Variants in CR1 observed in about 807,000 individuals in gnomAD.
CR1 encodes the protein complement receptor type 1.
A neutral mutation model predicts 187.3 loss-of-function variants in CR1; 116 were observed. The ratio of observed to expected loss-of-function variants is 0.62; its 90% CI spans 0.53 to 0.72. The LOEUF (loss-of-function observed/expected upper bound fraction) is 0.72. Among genes scored for constraint, CR1 ranks in the 30% least tolerant of loss-of-function variants. The pLI is 0.00. For missense variants in CR1, 1,731 were observed against 2,110.7 expected (o/e 0.82, Z 3.52); for synonymous variants, 576 against 747.1 (o/e 0.77, Z 3.73).
In CR1 at chr1:207,609,502, TCTA is replaced by T; in HGVS notation, c.6113_6115del (p.Thr2038del). 6.2e-7 allele frequency: 1 copy of T among 1,613,960 alleles called. No individual in the cohort carries two copies. The highest frequency in any genetic ancestry group is 8.5e-7 in the Non-Finnish European group (1 of 1,179,868). ...GAGCAGCCCTCCCCCTCGGTGTATT[TCTA>T]CTAATAAATGCACAGCTCCAGAAGT... On this transcript the variant is annotated inframe_deletion, in exon 37 of 47. Coordinates refer to ENST00000367049, the MANE Select transcript of CR1 (RefSeq NM_000651.6).
At chr1:207,635,092 G>C (rs56237243) in intron 46 of CR1, among the ~76,000 whole-genome samples, 1 of 152,118 alleles carries the variant, frequency 6.6e-6, no homozygotes, top group African/African-American at 2.4e-5. Context: ...TCTAATGACC[G>C]TGTAATTTAT....
intron 43 of CR1, 90 bp downstream of exon 43, chr1:207,620,155 T>C: frequency 7.7e-7 from 1 of 1,303,446 alleles, no homozygotes; most frequent in Non-Finnish European, 1.1e-6. Context: ...TAGTGTGATG[T>C]TTATGGCATA....
In CR1 at chr1:207,578,001, C is replaced by A. The variant is rs148751002; in HGVS notation, c.4734C>A (p.Pro1578=). ...ATCAAGTGGGCATCTGGAGCGGCCC[C>A]GCCCCTCAGTGCATTATACCTAACA... ...NDDQVGIWSG[P]APQCIIPNKC... The change falls in exon 29 of 47, where the codon CCC becomes CCA. Residue 1578 remains proline, a synonymous_variant. Coordinates refer to ENST00000367049, the MANE Select transcript of CR1 (RefSeq NM_000651.6). 1.2e-6 allele frequency: 2 copies of A among 1,611,510 alleles called. No individual in the cohort carries two copies. The highest frequency in any genetic ancestry group is 1.1e-5 in the South Asian group (1 of 90,994).
At chr1:207,611,452 T>A (rs994307486) in intron 37 of CR1, among the ~76,000 whole-genome samples, 1 of 152,134 alleles carries the variant, frequency 6.6e-6, no homozygotes, top group African/African-American at 2.4e-5. Context: ...CATGTTTCAG[T>A]AGAAAAAACA....
At chr1:207,516,305 G>A (rs141758460) in intron 4 of CR1, among the ~76,000 whole-genome samples, 211 of 152,262 alleles carry the variant, frequency 1.4e-3, no homozygotes, top group African/African-American at 4.9e-3. Context: ...CATAAGTCAG[G>A]TGACCTTATG....
In CR1 at chr1:207,587,572, A is replaced by C; in HGVS notation, c.5710+7A>C. ...GTTGAAGACAACTGTAGACGTGAGT[A>C]ACCCCTCCCTGGGAACTACTTCATG... On this transcript the variant is annotated splice_region_variant and intron_variant, in intron 34 of 46. Transcript: ENST00000367049. 6.2e-7 allele frequency: 1 copy of C among 1,611,744 alleles called. No individual in the cohort carries two copies. The highest frequency in any genetic ancestry group is 8.5e-7 in the Non-Finnish European group (1 of 1,178,532).
At chr1:207,566,059 G>C in intron 24 of CR1, 136 bp downstream of exon 24, 1 of 1,242,162 alleles carries the variant, frequency 8.1e-7, no homozygotes, top group South Asian at 1.5e-5. Flanking sequence ...TTTTAATAAT[G>C]TTTGGTTGTG....
At chr1:207,496,738 G>A (rs903360816) in intron 1 of CR1, among the ~76,000 whole-genome samples, 2 of 152,204 alleles carry the variant, frequency 1.3e-5, no homozygotes. Context: ...TGATCCTAGT[G>A]AAAGGGAACT....
intron 31 of CR1, 69 bp downstream of exon 31, chr1:207,580,682 T>A (rs1412689929): frequency 4.3e-6 from 6 of 1,403,514 alleles, no homozygotes; most frequent in Non-Finnish European, 5.9e-6. Context: ...TAAGGATCAA[T>A]CCAAAAAGAG....
At chr1:207,519,829 A>C (rs1381407314) in intron 4 of CR1, among the ~76,000 whole-genome samples, 2 of 152,208 alleles carry the variant, frequency 1.3e-5, no homozygotes, top group Admixed American at 1.3e-4. Context: ...CCGATTGGTT[A>C]TAGCTCAGCG....
At chr1:207,512,568 C>T (rs929038204) in intron 4 of CR1, among the ~76,000 whole-genome samples, 7 of 152,184 alleles carry the variant, frequency 4.6e-5, no homozygotes, top group African/African-American at 1.7e-4. Flanking sequence ...TAACTGGACT[C>T]CTTTACTTTT....
chr1:207,638,828 C>T (rs56386223), intron 46 of CR1, among the ~76,000 whole-genome samples: 9,548 of 152,304 alleles, frequency 0.063, 603 homozygotes, highest in East Asian at 0.35. Context: ...TCCCCTCAGG[C>T]AGTGGGCCAT....
intron 33 of CR1, among the ~76,000 whole-genome samples, chr1:207,587,022 A>C (rs1464950391): frequency 6.6e-6 from 1 of 152,194 alleles, no homozygotes; most frequent in Non-Finnish European, 1.5e-5. Flanking sequence ...AGATGATAAA[A>C]TATGTCTTGC....
Position 207,588,762 on chromosome 1 carries a change from C to A in CR1, c.5798C>A (p.Ser1933Tyr). The A allele has an allele frequency of 1.2e-6, 2 of 1,606,432 alleles. No homozygotes were observed. Among genetic ancestry groups the A allele is most frequent in the African/African-American group, 1.3e-5 (1 of 74,814 alleles). The change falls in exon 35 of 47, where the codon TCT (serine) becomes TAT (tyrosine). Residue 1933 changes from serine to tyrosine, a missense_variant. Physicochemically the swap from Ser to Tyr is moderately radical, Grantham distance 144 (BLOSUM62 -2). Transcript: ENST00000367049. ...DTQFGSTVNYSCNEGFRLIGS... is the reference protein window; with the variant it reads ...DTQFGSTVNYYCNEGFRLIGS... ...CAGTTTGGATCAACAGTTAATTATT[C>A]TTGTAATGAAGGGTGAGTTGAGAAT...
intron 4 of CR1, among the ~76,000 whole-genome samples, chr1:207,513,250 A>T (rs1207504926): frequency 6.6e-6 from 1 of 152,216 alleles, no homozygotes; most frequent in African/African-American, 2.4e-5. Context: ...TCAAATATGC[A>T]TTACAAGAAC....
At chr1:207,590,669 A>C (rs1223861046) in intron 35 of CR1, among the ~76,000 whole-genome samples, 1 of 152,160 alleles carries the variant, frequency 6.6e-6, no homozygotes, top group Non-Finnish European at 1.5e-5. Context: ...TGACTGGCAA[A>C]TTGGATAAAG....
chr1:207,498,303 G>A (rs973337140), intron 1 of CR1, among the ~76,000 whole-genome samples: 4 of 152,184 alleles, frequency 2.6e-5, no homozygotes, highest in Non-Finnish European at 5.9e-5. Context: ...CTATGATCAG[G>A]AAAGGATGAG....
chr1:207,611,732 C>T lies in CR1; in HGVS notation c.6351C>T (p.Asp2117=), dbSNP rs564069068. Residue 2117 remains aspartate (D), a synonymous_variant, in exon 38 of 47, where the codon GAC becomes GAT. Transcript: ENST00000367049. The stretch of plus-strand genomic sequence containing the variant: ...GTGAGCATACCCTAAGCCATCAGGA[C>T]AACTTTTCACCTGGGCAGGAAGTGT... The part of the protein sequence containing the change: ...LHGEHTLSHQ[D]NFSPGQEVFY... The T allele has an allele frequency of 1.0e-4, 161 of 1,614,002 alleles. 1 individual carries two copies. The South Asian group carries it at 1.1e-3, about 11-fold the overall frequency.
At chr1:207,631,911 C>A (rs1057479888) in intron 46 of CR1, among the ~76,000 whole-genome samples, 2 of 152,146 alleles carry the variant, frequency 1.3e-5, no homozygotes, top group African/African-American at 2.4e-5. Flanking sequence ...TTCTCATATA[C>A]CTGTGCATTA....
Sources: gnomAD v4.1 joint callset for allele counts (sites outside exome capture counted in the v4.1 genomes callset) on GRCh38, gnomAD v4.1.1 for gene constraint, MANE v1.5 for transcripts, NCBI Gene and HGNC (gene_info 2026-07-23, HGNC 2026-07-21) for gene names.